LDAH: variants seen among roughly 807,000 people sequenced by gnomAD.
LDAH encodes lipid droplet-associated hydrolase.
In LDAH, 26 loss-of-function variants were observed where a neutral mutation model predicts 29.6. The observed-to-expected ratio is 0.88, with a 90% CI of 0.64 to 1.22. LDAH has a LOEUF of 1.22. LDAH is among the 50% of genes most tolerant of loss of function. The pLI is 0.00. For missense variants in LDAH, 344 were observed against 387.3 expected (o/e 0.89, Z 0.94); for synonymous variants, 117 against 133.0 (o/e 0.88, Z 0.83).
rs376140932 is a variant in LDAH, at chr2:20,698,272, T to C, written c.786+3298A>G. Among the ~76,000 whole-genome samples the C allele has an allele frequency of 1.1e-4, 16 of 152,336 alleles. 1 individual carries two copies. The East Asian group carries it at 2.1e-3, about 20-fold the overall frequency. On this transcript the variant is annotated intron_variant, in intron 6 of 6. Coordinates refer to ENST00000237822, the MANE Select transcript of LDAH (RefSeq NM_021925.4). The surrounding 1 kb of genome is among the most constrained non-coding windows in gnomAD (Gnocchi z 4.4). ...CAACGTGGGGAAAGGTGAAGGTTGA[T>C]TGTTTAAATACTGTGTGATAAATGC...
intron 4 of LDAH, among the ~76,000 whole-genome samples, chr2:20,764,913 C>A (rs771908707): frequency 6.6e-6 from 1 of 152,138 alleles, no homozygotes; most frequent in Non-Finnish European, 1.5e-5. Flanking sequence ...TGTTAAAATA[C>A]CTTGTTACAT....
chr2:20,718,373 G>A (rs1352582243), intron 5 of LDAH, among the ~76,000 whole-genome samples: 1 of 151,864 alleles, frequency 6.6e-6, no homozygotes, highest in African/African-American at 2.4e-5. Context: ...TATATTTATA[G>A]CACATAAAAT....
intron 1 of LDAH, among the ~76,000 whole-genome samples, chr2:20,813,261 A>G (rs1278970944): frequency 6.6e-6 from 1 of 152,128 alleles, no homozygotes; most frequent in African/African-American, 2.4e-5. Context: ...ATAGTCTTCC[A>G]TATTCTTCTA....
At chr2:20,721,294 A>T (rs1476671891) in intron 5 of LDAH, among the ~76,000 whole-genome samples, 2 of 152,220 alleles carry the variant, frequency 1.3e-5, no homozygotes, top group Non-Finnish European at 2.9e-5. Flanking sequence ...GATGACAAAT[A>T]ATCTGAATAA....
chr2:20,700,345 G>A (rs1663835144), intron 6 of LDAH, among the ~76,000 whole-genome samples: 1 of 151,758 alleles, frequency 6.6e-6, no homozygotes, highest in Non-Finnish European at 1.5e-5. Context: ...AAACAACACT[G>A]GCATTTTCAA....
intron 6 of LDAH, among the ~76,000 whole-genome samples, chr2:20,692,935 A>C (rs943598299): frequency 1.3e-4 from 20 of 152,152 alleles, no homozygotes; most frequent in African/African-American, 4.6e-4. Context: ...ATTCTAAAGT[A>C]ATTTGTGAAA....
chr2:20,733,187 A>G (rs1427920060), intron 5 of LDAH, among the ~76,000 whole-genome samples: 1 of 151,956 alleles, frequency 6.6e-6, no homozygotes, highest in Non-Finnish European at 1.5e-5. Flanking sequence ...CACAAATTTT[A>G]ATATGCTGTA....
chr2:20,720,010 T>C (rs570443548), intron 5 of LDAH, among the ~76,000 whole-genome samples: 1 of 152,226 alleles, frequency 6.6e-6, no homozygotes, highest in African/African-American at 2.4e-5. Context: ...ACAGCTAATA[T>C]CACACTGAAC....
intron 2 of LDAH, among the ~76,000 whole-genome samples, chr2:20,797,245 G>A (rs557573322): frequency 7.9e-5 from 12 of 152,302 alleles, no homozygotes; most frequent in Admixed American, 7.2e-4. Context: ...TCTTAGTCCA[G>A]CTGAGAATGA....
chr2:20,812,506 T>A (rs1005782910), intron 1 of LDAH, among the ~76,000 whole-genome samples: 1 of 152,212 alleles, frequency 6.6e-6, no homozygotes, highest in African/African-American at 2.4e-5. Context: ...CAAAATCATC[T>A]TGTTTTAAAA....
intron 4 of LDAH, among the ~76,000 whole-genome samples, chr2:20,747,402 A>C (rs867796470): frequency 6.6e-6 from 1 of 152,166 alleles, no homozygotes; most frequent in Non-Finnish European, 1.5e-5. Flanking sequence ...CAAACAAAAA[A>C]ATAGCACACA....
At chr2:20,729,172 T>G (rs1666225604) in intron 5 of LDAH, among the ~76,000 whole-genome samples, 1 of 151,964 alleles carries the variant, frequency 6.6e-6, no homozygotes. Flanking sequence ...TCCTGGAAGA[T>G]GCAGTAGGAG....
At chr2:20,724,382 T>C (rs1217276353) in intron 5 of LDAH, among the ~76,000 whole-genome samples, 2 of 152,248 alleles carry the variant, frequency 1.3e-5, no homozygotes, top group Non-Finnish European at 2.9e-5. Flanking sequence ...GCAGGAACTA[T>C]ATTTCATTCA....
intron 6 of LDAH, among the ~76,000 whole-genome samples, chr2:20,688,555 G>C (rs1662739388): frequency 6.6e-6 from 1 of 152,304 alleles, no homozygotes; most frequent in Non-Finnish European, 1.5e-5. Context: ...CAAGTGCTGG[G>C]GGAGGAGAGT....
intron 6 of LDAH, among the ~76,000 whole-genome samples, chr2:20,692,757 T>G (rs369918679): frequency 8.1e-4 from 123 of 152,304 alleles, no homozygotes; most frequent in African/African-American, 2.8e-3. Flanking sequence ...TGATGAGCCT[T>G]TGGCACAGAC....
Position 20,709,084 on chromosome 2 carries a change from C to T in LDAH, c.704-7432G>A, listed in dbSNP as rs368074620. Reference sequence around the variant, plus strand: ...GTAAAAACATAAAATCTGAAATCTTCCAAAATTCAGCTTTTTGAGTGCCAA... The same window carrying T: ...GTAAAAACATAAAATCTGAAATCTTTCAAAATTCAGCTTTTTGAGTGCCAA... On this transcript the variant is annotated intron_variant, in intron 5 of 6. Transcript: ENST00000237822. Among the ~76,000 whole-genome samples the T allele has an allele frequency of 1.5e-3, 226 of 152,204 alleles. 4 individuals carry two copies. The South Asian group carries it at 0.043, about 29-fold the overall frequency.
intron 3 of LDAH, among the ~76,000 whole-genome samples, chr2:20,783,608 G>A (rs1670351760): frequency 6.6e-6 from 1 of 152,106 alleles, no homozygotes; most frequent in South Asian, 2.1e-4. Flanking sequence ...AGCTACTCCA[G>A]CTTTCTTTTG....
chr2:20,775,035 G>A, intron 3 of LDAH, 56 bp from the exon 4 acceptor site: 2 of 1,441,108 alleles, frequency 1.4e-6, no homozygotes, highest in Admixed American at 2.1e-5. Flanking sequence ...ACTGAAAAAA[G>A]ATCAAGAAAA....
chr2:20,707,598 G>A (rs572673447), intron 5 of LDAH, among the ~76,000 whole-genome samples: 83 of 152,340 alleles, frequency 5.4e-4, no homozygotes, highest in African/African-American at 2.0e-3. Flanking sequence ...CCAGAGATCT[G>A]CAGAGGGGAC....
Sources: allele counts gnomAD v4.1 joint callset (sites outside exome capture counted in the v4.1 genomes callset), GRCh38; gene constraint gnomAD v4.1.1; non-coding constraint Gnocchi (gnomAD v3.1); transcripts MANE v1.5; gene names NCBI Gene and HGNC (gene_info 2026-07-23, HGNC 2026-07-21).